GATA3: variants seen among roughly 807,000 people sequenced by gnomAD.
GATA3 encodes trans-acting T-cell-specific transcription factor GATA-3.
A neutral mutation model predicts 36.0 loss-of-function variants in GATA3; 6 were observed. That is an observed-to-expected ratio of 0.17 (90% CI 0.09 to 0.33). The LOEUF (loss-of-function observed/expected upper bound fraction) is 0.33, where lower values mean the gene tolerates loss of function less well. Ranked by LOEUF, GATA3 falls within the 10% of genes least tolerant of loss-of-function variation. The pLI, the probability that GATA3 is intolerant of heterozygous loss-of-function variation, is 1.00. For synonymous variants in GATA3, 326 were observed against 273.0 expected, an observed-to-expected ratio of 1.19 and a Z score of -1.92; for missense variants, 514 against 610.1, an observed-to-expected ratio of 0.84 and a Z score of 1.66.
At chr10:8,061,520 G>C (rs1832748823) in intron 3 of GATA3, among the ~76,000 whole-genome samples, 1 of 152,206 alleles carries the variant, frequency 6.6e-6, no homozygotes, top group South Asian at 2.1e-4. Flanking sequence ...CAGGGGTGAG[G>C]AGAGGGGAGG....
At chr10:8,046,116 C>G (rs958091237) in intron 1 of GATA3, among the ~76,000 whole-genome samples, 2 of 152,148 alleles carry the variant, frequency 1.3e-5, no homozygotes. Flanking sequence ...GCAGCCTCCC[C>G]AGAGGGTGCC....
rs2131520294 is a variant in GATA3 at position 8,073,777 on chromosome 10, G to C, written c.1089G>C (p.Gln363His). Reference sequence around the variant, plus strand: ...TGACTATGAAGAAGGAAGGCATCCAGACCAGAAACCGAAAAATGTCTAGCA... The same window carrying C: ...TGACTATGAAGAAGGAAGGCATCCACACCAGAAACCGAAAAATGTCTAGCA... ...RPLTMKKEGI[Q>H]TRNRKMSSKS... Residue 363 changes from glutamine (Q) to histidine (H), a missense_variant, in exon 6 of 6, where the codon CAG becomes CAC. By Grantham distance (24) the Gln-to-His change is conservative. Coordinates refer to ENST00000379328, the MANE Select transcript of GATA3 (RefSeq NM_001002295.2). The C allele has an allele frequency of 6.2e-7, 1 of 1,613,700 alleles. No homozygotes were observed. Among genetic ancestry groups the C allele is most frequent in the Non-Finnish European group, 8.5e-7 (1 of 1,179,976 alleles).
chr10:8,064,136 C>A lies in GATA3; in HGVS notation c.922C>A (p.Leu308Met), dbSNP rs2131501322. 1 of 1,614,120 alleles carries A rather than the reference C, an allele frequency of 6.2e-7. No individual in the cohort carries two copies. Among genetic ancestry groups the A allele is most frequent in the South Asian group, 1.1e-5 (1 of 91,078 alleles). Residue 308 changes from leucine (L) to methionine (M), a missense_variant and splice_region_variant, in exon 4 of 6, where the codon CTG (leucine) becomes ATG (methionine). By Grantham distance (15) the Leu-to-Met change is conservative. Around this residue, in one of 3 missense-constraint regions of GATA3, gnomAD observed 44 missense variants for 151.5 expected, o/e 0.29. Transcript: ENST00000379328. Reference protein sequence around the residue: ...NRPLIKPKRRLSAARRAGTSC... With the variant: ...NRPLIKPKRRMSAARRAGTSC... The stretch of plus-strand genomic sequence containing the variant: ...GCCCCTCATTAAGCCCAAGCGAAGG[C>A]TGGTAAGTTCTCGGGAAGGGATGGA...
chr10:8,073,144 C>CAA (rs11335485), intron 5 of GATA3, among the ~76,000 whole-genome samples: 39 of 69,976 alleles, frequency 5.6e-4, no homozygotes, highest in African/African-American at 1.3e-3. Flanking sequence ...GACTTCGTCT[C>CAA]AAAAAAAAAA....
chr10:8,058,779 T>G lies in GATA3; in HGVS notation c.716T>G (p.Leu239Arg). ...TCCGGACTCTTCCCCCCCAGCAGCC[T>G]GCTGGGCGGCTCCCCCACCGGCTTC... ...YSSGLFPPSS[L>R]LGGSPTGFGC... is the part of the protein sequence containing the mutation. The change falls in exon 3 of 6, where the codon CTG (leucine) becomes CGG (arginine). Residue 239 changes from leucine to arginine, a missense_variant. Physicochemically the swap from Leu to Arg is moderately radical, Grantham distance 102. Around this residue, in one of 3 missense-constraint regions of GATA3, gnomAD observed 381 missense variants for 354.3 expected, o/e 1.08. Coordinates refer to ENST00000379328, the MANE Select transcript of GATA3 (RefSeq NM_001002295.2). 6.2e-7 allele frequency: 1 copy of G among 1,609,842 alleles called. No homozygotes were observed. The highest frequency in any genetic ancestry group is 8.5e-7 in the Non-Finnish European group (1 of 1,179,782).
intron 4 of GATA3, among the ~76,000 whole-genome samples, chr10:8,064,978 G>A (rs2131502866): frequency 6.6e-6 from 1 of 152,284 alleles, no homozygotes. Flanking sequence ...CTCCTCTTTG[G>A]AAGTTTGAAT....
chr10:8,048,741 C>A (rs1296134154), upstream of GATA3, among the ~76,000 whole-genome samples: 17 of 152,310 alleles, frequency 1.1e-4, no homozygotes, highest in East Asian at 7.7e-4. Flanking sequence ...CCCGGGGCTC[C>A]CCCCAACTGC....
intron 4 of GATA3, 134 bp from the exon 5 acceptor site, chr10:8,069,339 G>T (rs1233948654): frequency 2.2e-6 from 2 of 914,792 alleles, no homozygotes; most frequent in African/African-American, 1.6e-5. Context: ...ACTTTCATGT[G>T]GACCACTTGC....
chr10:8,073,705 TAAA>T (rs373223232), intron 5 of GATA3, 31 bp from the exon 6 acceptor site: 253 of 1,406,470 alleles, frequency 1.8e-4, no homozygotes, highest in Admixed American at 7.0e-4. Flanking sequence ...AGCAAAAAAG[TAAA>T]AAAAAAAAAA....
intron 1 of GATA3, among the ~76,000 whole-genome samples, chr10:8,046,949 A>G (rs1832397220): frequency 6.6e-6 from 1 of 152,128 alleles, no homozygotes. Context: ...AGCGGCTGCA[A>G]TCCACGGGCC....
intron 1 of GATA3, among the ~76,000 whole-genome samples, chr10:8,046,665 G>GTA (rs1225438905): frequency 6.5e-4 from 96 of 147,660 alleles, no homozygotes; most frequent in African/African-American, 2.3e-3. Flanking sequence ...GTGTGTGTGT[G>GTA]TGTGTGTGTG....
chr10:8,061,944 AG>A (rs1832755746), intron 3 of GATA3, among the ~76,000 whole-genome samples: 1 of 152,222 alleles, frequency 6.6e-6, no homozygotes, highest in Non-Finnish European at 1.5e-5. Flanking sequence ...CTGTCTGGGC[AG>A]GGTGGGGAGT....
At chr10:8,065,861 G>A (rs1488053477) in intron 4 of GATA3, among the ~76,000 whole-genome samples, 3 of 78,512 alleles carry the variant, frequency 3.8e-5, no homozygotes, top group African/African-American at 1.4e-4. Flanking sequence ...AACAAGAAGT[G>A]TTTGAAAAAA....
chr10:8,048,176 G>A (rs1832415200), intron 1 of GATA3, among the ~76,000 whole-genome samples: 1 of 152,192 alleles, frequency 6.6e-6, no homozygotes, highest in South Asian at 2.1e-4. Flanking sequence ...TGAAGCAGAC[G>A]GAGGAGACTC....
intron 3 of GATA3, among the ~76,000 whole-genome samples, chr10:8,060,498 T>C (rs1832729251): frequency 1.3e-5 from 2 of 151,422 alleles, no homozygotes; most frequent in South Asian, 2.1e-4. Context: ...AGCAGACCTA[T>C]GCATTTTGAG....
rs1451172607 is a variant in GATA3 at position 8,074,970 on chromosome 10, A to G, written c.*947A>G. 4.3e-6 allele frequency: 1 copy of G among 233,490 alleles called. No homozygotes were observed. The highest frequency in any genetic ancestry group is 8.5e-6 in the Non-Finnish European group (1 of 118,062). The allele number at this position is 233,490 out of a possible 1,614,324, so 14.5% of individuals were successfully genotyped here. On this transcript the variant is annotated 3_prime_UTR_variant, in exon 6 of 6. Transcript: ENST00000379328. The stretch of plus-strand genomic sequence containing the variant: ...TGATATTTATTAAATAGCTTCTAAG[A>G]GTCCGGCGGCATCTGTCTTGTCCCT...
intron 5 of GATA3, 116 bp downstream of exon 5, chr10:8,069,714 C>A: frequency 8.0e-7 from 1 of 1,249,454 alleles, no homozygotes; most frequent in Non-Finnish European, 1.1e-6. Flanking sequence ...TGACAGGTTC[C>A]AAATAATTGA....
intron 4 of GATA3, among the ~76,000 whole-genome samples, chr10:8,068,307 G>A (rs1832878404): frequency 6.6e-6 from 1 of 152,194 alleles, no homozygotes; most frequent in Admixed American, 6.5e-5. Flanking sequence ...TTTCATGAAG[G>A]TGGACTGGCA....
intron 2 of GATA3, among the ~76,000 whole-genome samples, chr10:8,057,278 T>C (rs1234435544): frequency 1.3e-5 from 2 of 152,218 alleles, no homozygotes; most frequent in African/African-American, 4.8e-5. Flanking sequence ...CTGAGGCAGG[T>C]ACTGGCTTTA....
Sources: gnomAD v4.1 joint callset for allele counts (sites outside exome capture counted in the v4.1 genomes callset) on GRCh38, gnomAD v4.1.1 for gene constraint, gnomAD v4.1.1 regional missense constraint, MANE v1.5 for transcripts, NCBI Gene and HGNC (gene_info 2026-07-23, HGNC 2026-07-21) for gene names.